The following TULP4 variants were observed in gnomAD, a reference collection of about 807,000 sequenced individuals.
TULP4 encodes the protein TUB like protein 4.
In TULP4, 16 loss-of-function variants were observed where a neutral mutation model predicts 129.0. The observed-to-expected ratio is 0.12, with a 90% CI of 0.08 to 0.19. The LOEUF (loss-of-function observed/expected upper bound fraction) is 0.19, where lower values mean the gene tolerates loss of function less well. TULP4 is among the 10% of genes least tolerant of loss of function. TULP4 has a pLI of 1.00. For missense variants in TULP4, 1,842 were observed against 2,059.1 expected (o/e 0.89, Z 2.04); for synonymous variants, 998 against 854.0 (o/e 1.17, Z -2.94).
intron 1 of TULP4, among the ~76,000 whole-genome samples, chr6:158,302,087 T>C (rs1326732173): frequency 6.6e-6 from 1 of 152,180 alleles, no homozygotes; most frequent in Non-Finnish European, 1.5e-5. Flanking sequence ...CAGTCAATTC[T>C]TTATCAGTGG....
chr6:158,331,688 G>GAC (rs146753041), intron 1 of TULP4, among the ~76,000 whole-genome samples: 743 of 43,282 alleles, frequency 0.017, 133 homozygotes, highest in African/African-American at 0.036. Flanking sequence ...TCGTTCAACA[G>GAC]ACACACACAC....
Position 158,503,795 on chromosome 6 carries a change from G to A in TULP4, c.4132G>A (p.Gly1378Arg). The A allele has an allele frequency of 6.2e-7, 1 of 1,614,120 alleles. No individual in the cohort carries two copies. The highest frequency in any genetic ancestry group is 2.2e-5 in the East Asian group (1 of 44,882). Residue 1378 changes from glycine (G) to arginine (R), a missense_variant, in exon 13 of 14, where the codon GGG becomes AGG. Around this residue, in one of 5 missense-constraint regions of TULP4, gnomAD observed 1,089 missense variants for 987.1 expected, o/e 1.10. Coordinates refer to ENST00000367097, the MANE Select transcript of TULP4 (RefSeq NM_020245.5). The surrounding 1 kb of genome is among the most constrained non-coding windows in gnomAD (Gnocchi z 4.3). ...TTCCCTAATCTCCAGCCCACACCTG[G>A]GGAGAGAGAAGAAGAAAGTGAAGAG... ...FNSLISSPHL[G>R]REKKKVKSQK...
chr6:158,442,675 A>G (rs896792780), intron 3 of TULP4, among the ~76,000 whole-genome samples: 5 of 152,118 alleles, frequency 3.3e-5, no homozygotes, highest in Admixed American at 6.5e-5. Context: ...TTTTAATGGT[A>G]TATTCACATG....
intron 1 of TULP4, among the ~76,000 whole-genome samples, chr6:158,403,588 C>T (rs1777903363): frequency 6.6e-6 from 1 of 152,180 alleles, no homozygotes; most frequent in African/African-American, 2.4e-5. Flanking sequence ...GATCCGCCCG[C>T]CTCGGCCTCC....
intron 1 of TULP4, among the ~76,000 whole-genome samples, chr6:158,349,395 A>G (rs1780426439): frequency 7.7e-6 from 1 of 129,450 alleles, no homozygotes; most frequent in Non-Finnish European, 1.6e-5. Flanking sequence ...CTCACTTCCC[A>G]GATGGGGTGG....
intron 1 of TULP4, among the ~76,000 whole-genome samples, chr6:158,295,453 C>G (rs1443230314): frequency 6.6e-6 from 1 of 151,234 alleles, no homozygotes; most frequent in South Asian, 2.1e-4. Context: ...TATCAAGTTT[C>G]TCAAGTTAAA....
At chr6:158,279,743 G>T (rs1007295320), upstream of TULP4, among the ~76,000 whole-genome samples, 2 of 152,182 alleles carry the variant, frequency 1.3e-5, no homozygotes, top group African/African-American at 4.8e-5. Flanking sequence ...CGCTAGAATG[G>T]TGTAGGTCCT....
intron 1 of TULP4, among the ~76,000 whole-genome samples, chr6:158,322,285 A>T (rs1211076764): frequency 6.6e-6 from 1 of 152,188 alleles, no homozygotes; most frequent in Admixed American, 6.5e-5. Flanking sequence ...ATAATGGTGG[A>T]TATAATGGAG....
intron 3 of TULP4, among the ~76,000 whole-genome samples, chr6:158,432,768 T>C (rs1294622783): frequency 6.6e-6 from 1 of 152,212 alleles, no homozygotes; most frequent in Non-Finnish European, 1.5e-5. Flanking sequence ...AACTTTCTAT[T>C]ATGAATATGT....
intron 2 of TULP4, among the ~76,000 whole-genome samples, chr6:158,428,723 C>T (rs922648569): frequency 6.6e-6 from 1 of 151,978 alleles, no homozygotes; most frequent in Non-Finnish European, 1.5e-5. Context: ...GACCAACAGA[C>T]TCTGATGGAG....
upstream of TULP4, among the ~76,000 whole-genome samples, chr6:158,279,651 T>C (rs1375257821): frequency 6.6e-6 from 1 of 152,188 alleles, no homozygotes; most frequent in African/African-American, 2.4e-5. Flanking sequence ...GAAAAGAAAA[T>C]GGAGACTCTC....
At chr6:158,441,634 T>C (rs1451652114) in intron 3 of TULP4, among the ~76,000 whole-genome samples, 1 of 152,210 alleles carries the variant, frequency 6.6e-6, no homozygotes, top group Non-Finnish European at 1.5e-5. Flanking sequence ...TTGTTTCACA[T>C]GTGTTCACCA....
chr6:158,452,028 G>A, intron 4 of TULP4, 106 bp from the exon 5 acceptor site: 1 of 1,525,514 alleles, frequency 6.6e-7, no homozygotes, highest in East Asian at 2.3e-5. Flanking sequence ...AGTAGGATCT[G>A]CATTGTCAGG....
intron 6 of TULP4, 151 bp downstream of exon 6, chr6:158,461,880 C>A: frequency 2.3e-6 from 2 of 879,794 alleles, no homozygotes; most frequent in Non-Finnish European, 3.3e-6. Flanking sequence ...GCAGTTTTTG[C>A]CTTTTAACCA....
intron 1 of TULP4, among the ~76,000 whole-genome samples, chr6:158,386,564 G>A (rs1777453682): frequency 6.6e-6 from 1 of 152,056 alleles, no homozygotes; most frequent in African/African-American, 2.4e-5. Flanking sequence ...ACAAAATAAT[G>A]TTATAATTGT....
chr6:158,321,573 T>TC (rs1779633849), intron 1 of TULP4, among the ~76,000 whole-genome samples: 1 of 152,086 alleles, frequency 6.6e-6, no homozygotes, highest in Non-Finnish European at 1.5e-5. Context: ...ATGCACTGTT[T>TC]CCCCATTTTA....
At chr6:158,455,751 A>AT (rs893967207) in intron 5 of TULP4, among the ~76,000 whole-genome samples, 4 of 151,840 alleles carry the variant, frequency 2.6e-5, no homozygotes, top group African/African-American at 9.7e-5. Context: ...AAAAAAAAAA[A>AT]ATTATTTGCA....
At chr6:158,451,606 T>A (rs1019820542) in intron 4 of TULP4, among the ~76,000 whole-genome samples, 2 of 152,238 alleles carry the variant, frequency 1.3e-5, no homozygotes, top group East Asian at 3.8e-4. Context: ...CAAGCCTCTA[T>A]GAGCCACATT....
chr6:158,233,109 G>C (rs1332727568), intron 1 of TULP4, among the ~76,000 whole-genome samples: 1 of 152,238 alleles, frequency 6.6e-6, no homozygotes, highest in African/African-American at 2.4e-5. Flanking sequence ...GGAAGGTGAG[G>C]GTGGTCTGGC....
Sources: gnomAD v4.1 joint callset for allele counts (sites outside exome capture counted in the v4.1 genomes callset) on GRCh38, gnomAD v4.1.1 for gene constraint, gnomAD v4.1.1 regional missense constraint, Gnocchi (gnomAD v3.1) non-coding constraint, MANE v1.5 for transcripts, NCBI Gene and HGNC (gene_info 2026-07-23, HGNC 2026-07-21) for gene names.